EYS: variants seen among roughly 807,000 people sequenced by gnomAD.
EYS encodes the protein EGF-like photoreceptor maintenance factor.
A neutral mutation model predicts 282.1 loss-of-function variants in EYS; 250 were observed. That is an observed-to-expected ratio of 0.89 (90% confidence interval 0.80 to 0.98). The LOEUF (loss-of-function observed/expected upper bound fraction) is 0.98, where lower values mean the gene tolerates loss of function less well. EYS is among the 50% of genes least tolerant of loss of function. The pLI is 0.00. For missense variants in EYS, 4,016 were observed against 3,709.0 expected (o/e 1.08, Z -2.15); for synonymous variants, 1,355 against 1,282.9 (o/e 1.06, Z -1.20).
At chr6:65,369,852 T>A (rs186709727) in intron 8 of EYS, among the ~76,000 whole-genome samples, 56 of 151,796 alleles carry the variant, frequency 3.7e-4, no homozygotes, top group Non-Finnish European at 6.0e-4. Flanking sequence ...CCTTCAGGGA[T>A]CTTCCTGATT....
In EYS at chr6:64,783,809, C is replaced by T. The variant is rs557736627; in HGVS notation, c.3443+29569G>A. On this transcript the variant is annotated intron_variant, in intron 22 of 42. Coordinates refer to ENST00000503581, the MANE Select transcript of EYS (RefSeq NM_001142800.2). ...AATCATCCAAATTTTTTTAACATTC[C>T]AAAGTATTAAATATTCCAAAAGTAG... Among the ~76,000 whole-genome samples, 14 of 152,106 alleles carry T rather than the reference C, an allele frequency of 9.2e-5. No homozygotes were observed. In the East Asian group the frequency reaches 2.7e-3, roughly 29 times the overall value.
At chr6:64,130,584 A>G (rs779934096) in intron 31 of EYS, among the ~76,000 whole-genome samples, 60 of 152,220 alleles carry the variant, frequency 3.9e-4, no homozygotes, top group Admixed American at 7.8e-4. Flanking sequence ...TATGTAACAA[A>G]CCTGCACATT....
chr6:65,273,991 T>C (rs1379884655), intron 12 of EYS, among the ~76,000 whole-genome samples: 1 of 152,124 alleles, frequency 6.6e-6, no homozygotes, highest in Non-Finnish European at 1.5e-5. Context: ...ACATCACTGG[T>C]GTCTACCAGT....
In EYS at chr6:64,658,793, T is replaced by TG. The variant is rs755913176; in HGVS notation, c.3444-32549dup. 2.2e-4 allele frequency among the ~76,000 whole-genome samples: 33 copies of TG among 152,250 alleles called. No homozygotes were observed. The South Asian group carries it at 4.1e-3, about 19-fold the overall frequency. The stretch of plus-strand genomic sequence containing the variant: ...GGGGGTGCCTCCCAGTTAGGCTACT[T>TG]GGGGGTCACCCCACTGTCAATATTA... On this transcript the variant is annotated intron_variant, in intron 22 of 42. Coordinates refer to ENST00000503581, the MANE Select transcript of EYS (RefSeq NM_001142800.2).
intron 13 of EYS, among the ~76,000 whole-genome samples, chr6:65,056,113 T>A (rs1464230402): frequency 6.6e-6 from 1 of 152,096 alleles, no homozygotes; most frequent in Non-Finnish European, 1.5e-5. Context: ...CTTACATATT[T>A]ATATTTTGGG....
chr6:65,126,060 G>A (rs1310680482), intron 12 of EYS, among the ~76,000 whole-genome samples: 1 of 152,234 alleles, frequency 6.6e-6, no homozygotes, highest in South Asian at 2.1e-4. Flanking sequence ...GCAAGTTTGT[G>A]AATTGGACAC....
At chr6:64,026,906 G>A (rs905106566) in intron 33 of EYS, among the ~76,000 whole-genome samples, 13 of 152,142 alleles carry the variant, frequency 8.5e-5, no homozygotes, top group African/African-American at 3.1e-4. Context: ...GCAGACCTGG[G>A]GAAGTTTTCA....
At chr6:65,072,541 GTGAA>G (rs1396474458) in intron 12 of EYS, among the ~76,000 whole-genome samples, 7 of 151,940 alleles carry the variant, frequency 4.6e-5, no homozygotes, top group African/African-American at 1.4e-4. Context: ...TATTCTTAAA[GTGAA>G]TGAAAGTTTC....
At chr6:65,197,886 T>C (rs1290701420) in intron 12 of EYS, among the ~76,000 whole-genome samples, 2 of 152,112 alleles carry the variant, frequency 1.3e-5, no homozygotes, top group South Asian at 4.1e-4. Flanking sequence ...CAGGACATTA[T>C]TGGTTTTATA....
chr6:65,646,678 A>G (rs1767462220), intron 1 of EYS, among the ~76,000 whole-genome samples: 1 of 152,160 alleles, frequency 6.6e-6, no homozygotes, highest in African/African-American at 2.4e-5. Flanking sequence ...AGCTAGAGCA[A>G]TCAGACCAGA....
intron 2 of EYS, among the ~76,000 whole-genome samples, chr6:65,554,278 T>G (rs1768709070): frequency 6.6e-6 from 1 of 152,156 alleles, no homozygotes; most frequent in South Asian, 2.1e-4. Flanking sequence ...TTTCAAAGAT[T>G]TAGTATCCGC....
chr6:63,947,666 T>C (rs1244602867), intron 35 of EYS, among the ~76,000 whole-genome samples: 2 of 152,156 alleles, frequency 1.3e-5, no homozygotes, highest in African/African-American at 2.4e-5. Context: ...CTATTTCCTG[T>C]ATGCCAGCAA....
chr6:64,483,043 CAA>C (rs1412395412), intron 26 of EYS, among the ~76,000 whole-genome samples: 6 of 151,572 alleles, frequency 4.0e-5, no homozygotes, highest in Non-Finnish European at 8.9e-5. Flanking sequence ...TGAATATGAT[CAA>C]GTTATGTTTC....
chr6:64,558,470 G>C (rs1323458844), intron 26 of EYS, among the ~76,000 whole-genome samples: 5 of 152,050 alleles, frequency 3.3e-5, no homozygotes, highest in African/African-American at 4.8e-5. Flanking sequence ...AATGTCAATA[G>C]TTCTGAGGTT....
chr6:65,507,467 T>C (rs1269128579), intron 2 of EYS, among the ~76,000 whole-genome samples: 1 of 152,120 alleles, frequency 6.6e-6, no homozygotes, highest in Admixed American at 6.5e-5. Flanking sequence ...GACATGAGAA[T>C]CATTTGTCAC....
At chr6:64,892,693 A>G (rs536713336) in intron 18 of EYS, among the ~76,000 whole-genome samples, 64 of 152,158 alleles carry the variant, frequency 4.2e-4, no homozygotes, top group African/African-American at 1.5e-3. Flanking sequence ...ATTATTTATC[A>G]TACTCACAAC....
At chr6:64,841,776 T>A (rs1009914610) in intron 19 of EYS, among the ~76,000 whole-genome samples, 1 of 152,148 alleles carries the variant, frequency 6.6e-6, no homozygotes, top group Non-Finnish European at 1.5e-5. Flanking sequence ...ACCTTGGACA[T>A]GAGAAAGAAA....
In EYS at chr6:64,151,333, A is replaced by G. The variant is rs1387691802; in HGVS notation, c.6425-69331T>C. Among the ~76,000 whole-genome samples, 13 of 102,102 alleles carry G rather than the reference A, an allele frequency of 1.3e-4. 1 individual carries two copies. The highest frequency in any genetic ancestry group is 4.5e-4 in the Admixed American group (5 of 11,128). 67.0% of individuals were successfully genotyped at this position (102,102 alleles called of 152,430 possible). A position where few individuals can be genotyped will look rare whatever the true frequency, so the allele number is the denominator to read the frequency against. ...TGTGTATATTTATATATATATATATATATATATATATATATATATATATAT... is the reference window on the plus strand; with the variant it reads ...TGTGTATATTTATATATATATATATGTATATATATATATATATATATATAT... On this transcript the variant is annotated intron_variant, in intron 31 of 42. Coordinates refer to ENST00000503581, the MANE Select transcript of EYS (RefSeq NM_001142800.2).
chr6:64,789,989 T>C (rs1187761012), intron 22 of EYS, among the ~76,000 whole-genome samples: 1 of 151,970 alleles, frequency 6.6e-6, no homozygotes, highest in Admixed American at 6.6e-5. Flanking sequence ...TTTGTTCTTT[T>C]TTTTACGAGG....
Sources: allele counts gnomAD v4.1 joint callset (sites outside exome capture counted in the v4.1 genomes callset), GRCh38; gene constraint gnomAD v4.1.1; transcripts MANE v1.5; gene names NCBI Gene and HGNC (gene_info 2026-07-23, HGNC 2026-07-21).